KLHDC8A: variants seen among roughly 807,000 people sequenced by gnomAD.
KLHDC8A encodes the protein kelch domain-containing protein 8A.
In KLHDC8A, 21 loss-of-function variants were observed where a neutral mutation model predicts 33.1. The observed-to-expected ratio is 0.64, with a 90% CI of 0.45 to 0.91. The LOEUF is 0.91. Among genes scored for constraint, KLHDC8A ranks in the 40% least tolerant of loss-of-function variants. KLHDC8A has a pLI of 0.00. For missense variants in KLHDC8A, 435 were observed against 483.3 expected (o/e 0.90, Z 0.94); for synonymous variants, 173 against 193.5 (o/e 0.89, Z 0.88).
At chr1:205,337,653 G>A (rs1662673366) in intron 5 of KLHDC8A, 61 bp from the exon 6 acceptor site, 9 of 1,310,912 alleles carry the variant, frequency 6.9e-6, no homozygotes, top group Non-Finnish European at 9.6e-6. Flanking sequence ...CATGCCCCAC[G>A]GTCACCCCAC....
rs756303797 is a variant in KLHDC8A, at chr1:205,343,458, G to T, written c.147C>A (p.Phe49Leu). 6.2e-7 allele frequency: 1 copy of T among 1,613,570 alleles called. No homozygotes were observed. The highest frequency in any genetic ancestry group is 8.5e-7 in the Non-Finnish European group (1 of 1,179,876). Residue 49 changes from phenylalanine to leucine, a missense_variant, in exon 2 of 6, where the codon TTC (phenylalanine) becomes TTA (leucine). Coordinates refer to ENST00000367155, the MANE Select transcript of KLHDC8A (RefSeq NM_018203.3). ...GGTCGGCCTCCGGGGAGTAGACCTC[G>T]AAGCAGTCCATGGGGACGCCGTTGT... ...CDDNGVPMDC[F>L]EVYSPEADQW...
Position 205,339,273 on chromosome 1 carries a change from G to A in KLHDC8A, c.678C>T (p.Ser226=), listed in dbSNP as rs763651528. 3.7e-6 allele frequency: 6 copies of A among 1,614,204 alleles called. No homozygotes were observed. Among genetic ancestry groups the A allele is most frequent in the Middle Eastern group, 1.6e-4 (1 of 6,062 alleles). ...SFVTLDNHLY[S]LGGLRQGRLY... is the part of the protein sequence containing the mutation. ...GGCGACCTTGCCGCAGGCCTCCTAG[G>A]CTGTACAAGTGGTTGTCCAGGGTCA... Residue 226 remains serine, a synonymous_variant, in exon 4 of 6, where the codon AGC becomes AGT. Coordinates refer to ENST00000367155, the MANE Select transcript of KLHDC8A (RefSeq NM_018203.3). The surrounding 1 kb of genome is among the most constrained non-coding windows in gnomAD (Gnocchi z 5.1).
At chr1:205,350,944 C>A (rs1367766949) in intron 1 of KLHDC8A, among the ~76,000 whole-genome samples, 1 of 152,194 alleles carries the variant, frequency 6.6e-6, no homozygotes, top group African/African-American at 2.4e-5. Context: ...CACAGTCCAG[C>A]CCCATGGGGC....
chr1:205,343,078 A>G lies in KLHDC8A; in HGVS notation c.376+151T>C, dbSNP rs1002523735. The G allele has an allele frequency of 1.3e-5, 14 of 1,075,466 alleles. No individual in the cohort carries two copies. In the African/African-American group the frequency reaches 1.9e-4, roughly 15 times the overall value. The allele number at this position is 1,075,466 out of a possible 1,614,324, so 66.6% of individuals were successfully genotyped here. On this transcript the variant is annotated intron_variant, in intron 2 of 5. Transcript: ENST00000367155. ...TCAGGGGCTGGGGTGTGGCGGCGGG[A>G]GGTGCAGGCATTTTGCTGAACGCAT...
intron 1 of KLHDC8A, among the ~76,000 whole-genome samples, chr1:205,353,233 T>A (rs182172584): frequency 6.6e-6 from 1 of 152,180 alleles, no homozygotes; most frequent in Non-Finnish European, 1.5e-5. Context: ...CATTTTTAAA[T>A]GATTGGGGAA....
chr1:205,346,317 TG>T (rs563625666), intron 1 of KLHDC8A, among the ~76,000 whole-genome samples: 72 of 152,332 alleles, frequency 4.7e-4, no homozygotes, highest in Non-Finnish European at 9.1e-4. Context: ...CAGCTTGAAC[TG>T]TCTTCACAAA....
At chr1:205,340,013 T>A (rs138045079) in intron 2 of KLHDC8A, among the ~76,000 whole-genome samples, 184 of 152,170 alleles carry the variant, frequency 1.2e-3, no homozygotes, top group African/African-American at 3.9e-3. Context: ...TCTTTTTTTT[T>A]ATTTTTATTA....
rs1000257355 is a variant in KLHDC8A, at chr1:205,338,576, G to T, written c.778C>A (p.Arg260=). The change falls in exon 5 of 6, where the codon CGA becomes AGA. Residue 260 remains arginine (R), a synonymous_variant. Coordinates refer to ENST00000367155, the MANE Select transcript of KLHDC8A (RefSeq NM_018203.3). ...CGCCGCTTCTTGAGGAAGAACGATC[G>T]TTCCATCTTCAGCCATCCCCCTATA... ...MEQGGWLKME[R]SFFLKKRRAD... 17 of 1,613,958 alleles carry T rather than the reference G, an allele frequency of 1.1e-5. No homozygotes were observed. Among genetic ancestry groups the T allele is most frequent in the Admixed American group, 1.7e-5 (1 of 60,008 alleles).
At chr1:205,353,287 T>C (rs1220329646) in intron 1 of KLHDC8A, among the ~76,000 whole-genome samples, 1 of 152,210 alleles carries the variant, frequency 6.6e-6, no homozygotes, top group African/African-American at 2.4e-5. Flanking sequence ...GAAAGTGATA[T>C]GAAATTCACA....
At chr1:205,352,534 A>G (rs946063554) in intron 1 of KLHDC8A, among the ~76,000 whole-genome samples, 55 of 152,294 alleles carry the variant, frequency 3.6e-4, no homozygotes, top group Middle Eastern at 6.8e-3. Flanking sequence ...CTGCAGCAGC[A>G]AGGTTGCCAT....
At position 205,336,456 on chromosome 1, in the gene KLHDC8A, G is replaced by C. The variant is rs1662632710; in HGVS notation, c.*943C>G. 6.6e-6 allele frequency: 1 copy of C among 152,628 alleles called. No individual in the cohort carries two copies. The allele number at this position is 152,628 out of a possible 1,614,324, so 9.5% of individuals were successfully genotyped here. ...AGAATGCAGGAGGGATTGTTTTATG[G>C]GGTCCTCCCTGCCCCTCAAGACACC... On this transcript the variant is annotated 3_prime_UTR_variant, in exon 6 of 6. Coordinates refer to ENST00000367155, the MANE Select transcript of KLHDC8A (RefSeq NM_018203.3).
At chr1:205,344,768 C>T (rs911854742) in intron 1 of KLHDC8A, among the ~76,000 whole-genome samples, 2 of 152,150 alleles carry the variant, frequency 1.3e-5, no homozygotes, top group African/African-American at 2.4e-5. Flanking sequence ...GGAAGCATAA[C>T]TTACACATCA....
intron 1 of KLHDC8A, among the ~76,000 whole-genome samples, chr1:205,352,426 A>G (rs754424193): frequency 3.9e-5 from 6 of 152,150 alleles, no homozygotes; most frequent in Non-Finnish European, 5.9e-5. Flanking sequence ...AGAAAGGACC[A>G]GACAGAGGCA....
At chr1:205,348,062 T>G (rs576404337) in intron 1 of KLHDC8A, among the ~76,000 whole-genome samples, 2 of 152,288 alleles carry the variant, frequency 1.3e-5, no homozygotes, top group African/African-American at 4.8e-5. Flanking sequence ...GTCTTGGATT[T>G]GTTAAGGTCT....
At chr1:205,340,162 A>G (rs1662753324) in intron 2 of KLHDC8A, among the ~76,000 whole-genome samples, 2 of 151,982 alleles carry the variant, frequency 1.3e-5, no homozygotes, top group African/African-American at 4.8e-5. Flanking sequence ...CTACAGGTCC[A>G]TGCCACCACA....
At position 205,345,838 on chromosome 1, in the gene KLHDC8A, G is replaced by C. The variant is rs576387522; in HGVS notation, c.-189-2045C>G. 1.9e-4 allele frequency among the ~76,000 whole-genome samples: 29 copies of C among 151,776 alleles called. 1 individual carries two copies. The South Asian group carries it at 5.8e-3, about 31-fold the overall frequency. On this transcript the variant is annotated intron_variant, in intron 1 of 5. Coordinates refer to ENST00000367155, the MANE Select transcript of KLHDC8A (RefSeq NM_018203.3). The stretch of plus-strand genomic sequence containing the variant: ...GCCTGTAATCCCAGCACTTTGGATG[G>C]CCGAGGTACGTGGATCACCTGAGGT...
At chr1:205,354,718 C>T (rs573205729) in intron 1 of KLHDC8A, among the ~76,000 whole-genome samples, 13 of 152,200 alleles carry the variant, frequency 8.5e-5, no homozygotes, top group African/African-American at 2.6e-4. Context: ...AAAACTAATG[C>T]CTGGCATTCA....
In KLHDC8A at chr1:205,339,775, AG is replaced by A. The variant is rs1662741366; in HGVS notation, c.409del (p.Leu137TrpfsTer15). The A allele has an allele frequency of 9.3e-6, 15 of 1,613,202 alleles. 1 individual carries two copies. The highest frequency in any genetic ancestry group is 1.3e-5 in the African/African-American group (1 of 75,044). ...GAGGTGGTTGTGTGGACGTAGGTCC[AG>A]GCCCATCCCGCCTGCCGCATATACT... ...YRVYAAGGMG[L>X]DLRPHNHLQH... is the part of the protein sequence containing the mutation. On this transcript the variant is annotated frameshift_variant, in exon 3 of 6. Transcript: ENST00000367155. LOFTEE classifies it high-confidence loss of function. This position sits in a 1 kb window ranked among gnomAD's most constrained non-coding sequence, Gnocchi z 5.1.
intron 1 of KLHDC8A, chr1:205,351,580 T>C: frequency 2.1e-6 from 1 of 485,764 alleles, no homozygotes; most frequent in Non-Finnish European, 3.7e-6. Flanking sequence ...AGACTTTTTG[T>C]TAAATAAACT....
Sources: allele counts gnomAD v4.1 joint callset (sites outside exome capture counted in the v4.1 genomes callset), GRCh38; gene constraint gnomAD v4.1.1; non-coding constraint Gnocchi (gnomAD v3.1); transcripts MANE v1.5; gene names NCBI Gene and HGNC (gene_info 2026-07-23, HGNC 2026-07-21).